The following IFT140 variants were observed in gnomAD, a reference collection of about 807,000 sequenced individuals.
The protein encoded by IFT140 is intraflagellar transport protein 140 homolog.
Under a neutral mutation model 164.6 loss-of-function variants are expected in IFT140, and 133 were observed. The ratio of observed to expected loss-of-function variants is 0.81; its 90% CI spans 0.70 to 0.93. IFT140 has a LOEUF of 0.93. Ranked by LOEUF, IFT140 falls within the 40% of genes least tolerant of loss-of-function variation. IFT140 has a pLI of 0.00. For synonymous variants in IFT140, 860 were observed against 817.3 expected (o/e 1.05, Z -0.89); for missense variants, 2,045 against 1,972.3 (o/e 1.04, Z -0.70).
At chr16:1,590,076 C>T (rs2035095829) in intron 6 of IFT140, among the ~76,000 whole-genome samples, 2 of 151,848 alleles carry the variant, frequency 1.3e-5, no homozygotes, top group Non-Finnish European at 2.9e-5. Flanking sequence ...TGGTATGTGC[C>T]TGTAATCCCA....
At chr16:1,550,966 T>C (rs935239270) in intron 19 of IFT140, among the ~76,000 whole-genome samples, 1 of 152,044 alleles carries the variant, frequency 6.6e-6, no homozygotes, top group Non-Finnish European at 1.5e-5. Context: ...GTGCTGCCCC[T>C]CCGTGAGCAT....
chr16:1,564,540 C>T lies in IFT140; in HGVS notation c.1902-378G>A, dbSNP rs2033607527. Among the ~76,000 whole-genome samples the T allele has an allele frequency of 6.6e-6, 1 of 152,208 alleles. No individual in the cohort carries two copies. Among genetic ancestry groups the T allele is most frequent in the Non-Finnish European group, 1.5e-5 (1 of 68,028 alleles). On this transcript the variant is annotated intron_variant, in intron 16 of 30. Transcript: ENST00000426508. This position sits in a 1 kb window ranked among gnomAD's most constrained non-coding sequence, Gnocchi z 5.5. ...GCTGGGCGGGGTCGAGGCTTTGGCTCTGTGGTCATGCCGGGTTCCTTGTCC... is the reference window on the plus strand; with the variant it reads ...GCTGGGCGGGGTCGAGGCTTTGGCTTTGTGGTCATGCCGGGTTCCTTGTCC...
At chr16:1,520,849 C>T (rs370098489) in intron 26 of IFT140, 41 bp from the exon 27 acceptor site, 24 of 1,568,830 alleles carry the variant, frequency 1.5e-5, no homozygotes, top group African/African-American at 5.4e-5. Flanking sequence ...CCGAGGGGGC[C>T]GGGAACTGAA....
chr16:1,512,501 C>G (rs1347373042), intron 30 of IFT140, among the ~76,000 whole-genome samples: 1 of 152,088 alleles, frequency 6.6e-6, no homozygotes, highest in African/African-American at 2.4e-5. Flanking sequence ...TTACTAAATT[C>G]CACAGGCTTC....
rs1300193105 is a variant in IFT140 at position 1,551,817 on chromosome 16, G to A, written c.2399+6118C>T. Among the ~76,000 whole-genome samples the A allele has an allele frequency of 6.6e-6, 1 of 152,140 alleles. No individual in the cohort carries two copies. The highest frequency in any genetic ancestry group is 1.5e-5 in the Non-Finnish European group (1 of 68,004). On this transcript the variant is annotated intron_variant, in intron 19 of 30. Transcript: ENST00000426508. This position sits in a 1 kb window ranked among gnomAD's most constrained non-coding sequence, Gnocchi z 4.0. ...TCAACTCTGCGGGACCTCCCACCCG[G>A]GCTGGTTGCCCTGTGTTGCCTTAGA...
chr16:1,574,181 C>T (rs1315500599), intron 13 of IFT140, among the ~76,000 whole-genome samples: 1 of 152,212 alleles, frequency 6.6e-6, no homozygotes. Context: ...TAAAAACCTG[C>T]CTGTAACAAA....
At position 1,568,270 on chromosome 16, in the gene IFT140, C is replaced by T. The variant is rs528350505; in HGVS notation, c.1717G>A (p.Ala573Thr). The T allele has an allele frequency of 8.2e-5, 132 of 1,613,126 alleles. 2 individuals are homozygous for T. In the South Asian group the frequency reaches 1.2e-3, roughly 15 times the overall value. ...CCGCTGCTGCTGCACCGCAGAGAAG[C>T]GATGCCCCCCACCCCAGGGACCAGC... is the stretch of plus-strand genomic sequence containing the variant. ...AELVPGVGGI[A>T]SLRCSSSGST... Residue 573 changes from alanine (A) to threonine (T), a missense_variant, in exon 15 of 31, where the codon GCT (alanine) becomes ACT (threonine). Physicochemically the swap from Ala to Thr is moderately conservative, Grantham distance 58. Transcript: ENST00000426508.
At chr16:1,534,297 G>A in intron 19 of IFT140, 1 of 1,612,404 alleles carries the variant, frequency 6.2e-7, no homozygotes. Context: ...GAGACTCGTG[G>A]CCGCGGCCGT....
intron 3 of IFT140, among the ~76,000 whole-genome samples, chr16:1,603,358 A>C (rs1239425008): frequency 6.6e-6 from 1 of 152,130 alleles, no homozygotes; most frequent in Non-Finnish European, 1.5e-5. Context: ...TTATTTTCAG[A>C]ATAATAGTGA....
intron 2 of IFT140, among the ~76,000 whole-genome samples, chr16:1,609,282 G>A (rs758748572): frequency 1.4e-4 from 21 of 152,096 alleles, no homozygotes; most frequent in South Asian, 4.1e-4. Context: ...ACATTAATAC[G>A]ACACTGTGCA....
In IFT140 at chr16:1,553,934, G is replaced by C; in HGVS notation, c.2399+4001C>G. 7.8e-7 allele frequency: 1 copy of C among 1,286,062 alleles called. No homozygotes were observed. The highest frequency in any genetic ancestry group is 5.6e-5 in the East Asian group (1 of 17,986). The allele number at this position is 1,286,062 out of a possible 1,614,324, so 79.7% of individuals were successfully genotyped here. A position where few individuals can be genotyped will look rare whatever the true frequency, so the allele number is the denominator to read the frequency against. On this transcript the variant is annotated intron_variant, in intron 19 of 30. Coordinates refer to ENST00000426508, the MANE Select transcript of IFT140 (RefSeq NM_014714.4). This position sits in a 1 kb window ranked among gnomAD's most constrained non-coding sequence, Gnocchi z 4.4. The stretch of plus-strand genomic sequence containing the variant: ...AAAAAGGTCTTTGGAGCTCCTCAAA[G>C]ATAAAACTGTAAGTGAAACTGTAGC...
intron 18 of IFT140, among the ~76,000 whole-genome samples, chr16:1,559,736 T>C (rs796422664): frequency 2.6e-4 from 39 of 152,262 alleles, no homozygotes; most frequent in African/African-American, 9.4e-4. Context: ...TGACACTGAG[T>C]GTCTCAGGCT....
chr16:1,591,319 G>A (rs190474951), intron 6 of IFT140, among the ~76,000 whole-genome samples: 7 of 152,232 alleles, frequency 4.6e-5, no homozygotes, highest in African/African-American at 1.4e-4. Context: ...GTGCCCACTC[G>A]GATGTCCCCA....
chr16:1,544,350 AT>A (rs557776071), intron 19 of IFT140, among the ~76,000 whole-genome samples: 1 of 151,204 alleles, frequency 6.6e-6, no homozygotes, highest in Non-Finnish European at 1.5e-5. Flanking sequence ...TGCCCGGCTA[AT>A]TTTTTTTGTA....
intron 16 of IFT140, 118 bp downstream of exon 16, chr16:1,566,043 T>A: frequency 1.1e-6 from 1 of 878,168 alleles, no homozygotes; most frequent in Non-Finnish European, 1.8e-6. Context: ...TTCTTTTTCC[T>A]ACTGGTGCCT....
chr16:1,562,231 C>T, intron 17 of IFT140, 115 bp from the exon 18 acceptor site: 8 of 850,774 alleles, frequency 9.4e-6, no homozygotes, highest in Non-Finnish European at 1.3e-5. Context: ...TTGCTACACA[C>T]TGCGTCATGG....
Position 1,513,432 on chromosome 16 carries a change from C to T in IFT140, c.4183-2282G>A, listed in dbSNP as rs868183750. Among the ~76,000 whole-genome samples the T allele has an allele frequency of 5.9e-5, 9 of 152,020 alleles. No homozygotes were observed. The South Asian group carries it at 6.2e-4, about 11-fold the overall frequency. On this transcript the variant is annotated intron_variant, in intron 30 of 30. Transcript: ENST00000426508. The stretch of plus-strand genomic sequence containing the variant: ...AGGACAATTGCTTGAGCCCAGGAGG[C>T]GGAGGTTGCAGTGAGCCACGATCAT...
Position 1,564,199 on chromosome 16 carries a change from C to T in IFT140, c.1902-37G>A, listed in dbSNP as rs370406029. ...AGGAAGACCCGTTTCAACCCCAGGG[C>T]GGGCACTCCTGCTACCAGTCTCCCT... On this transcript the variant is annotated intron_variant, in intron 16 of 30. Coordinates refer to ENST00000426508, the MANE Select transcript of IFT140 (RefSeq NM_014714.4). The surrounding 1 kb of genome is among the most constrained non-coding windows in gnomAD (Gnocchi z 5.5). The T allele has an allele frequency of 2.7e-5, 41 of 1,517,716 alleles. No individual in the cohort carries two copies. The highest frequency in any genetic ancestry group is 3.5e-5 in the Non-Finnish European group (39 of 1,121,082). The allele number at this position is 1,517,716 out of a possible 1,614,324, so 94.0% of individuals were successfully genotyped here.
In IFT140 at chr16:1,531,056, G is replaced by T. The variant is rs1156763976; in HGVS notation, c.2400-4260C>A. 2 of 152,132 alleles carry T rather than the reference G, an allele frequency of 1.3e-5. No homozygotes were observed. The highest frequency in any genetic ancestry group is 6.8e-3 in the Middle Eastern group (2 of 294). 9.4% of individuals were successfully genotyped at this position (152,132 alleles called of 1,614,324 possible). On this transcript the variant is annotated intron_variant, in intron 19 of 30. Transcript: ENST00000426508. The surrounding 1 kb of genome is among the most constrained non-coding windows in gnomAD (Gnocchi z 4.7). ...TTCCACAGCCAGCCTCCTGCTCGAG[G>T]GCACCAGCCCCGCGTGATTCCCACA... is the stretch of plus-strand genomic sequence containing the variant.
Sources: allele counts gnomAD v4.1 joint callset (sites outside exome capture counted in the v4.1 genomes callset), GRCh38; gene constraint gnomAD v4.1.1; non-coding constraint Gnocchi (gnomAD v3.1); transcripts MANE v1.5; gene names NCBI Gene and HGNC (gene_info 2026-07-23, HGNC 2026-07-21).